TBX20: variants seen among roughly 807,000 people sequenced by gnomAD.
TBX20 encodes the protein T-box transcription factor 20.
TBX20 carries 8 observed loss-of-function variants against 42.9 expected under a neutral mutation model. The observed-to-expected ratio is 0.19, with a 90% confidence interval of 0.11 to 0.34. The LOEUF (loss-of-function observed/expected upper bound fraction) is 0.34, where lower values mean the gene tolerates loss of function less well. TBX20 is among the 10% of genes least tolerant of loss of function. The pLI is 1.00. For missense variants in TBX20, 411 were observed against 566.0 expected (o/e 0.73, Z 2.78); for synonymous variants, 198 against 222.8 (o/e 0.89, Z 0.99).
At chr7:35,243,594 A>G (rs1190895778) in intron 4 of TBX20, among the ~76,000 whole-genome samples, 1 of 152,178 alleles carries the variant, frequency 6.6e-6, no homozygotes, top group Non-Finnish European at 1.5e-5. Context: ...AGTTCAAGAA[A>G]TTTTAATATA....
rs751670081 is a variant in TBX20, at chr7:35,204,463, A to G, written c.1003+7T>C. 1 of 1,605,102 alleles carries G rather than the reference A, an allele frequency of 6.2e-7. No homozygotes were observed. Among genetic ancestry groups the G allele is most frequent in the South Asian group, 1.1e-5 (1 of 90,630 alleles). ...CAGCAATTCCATGGCCTTGGAAACT[A>G]CCTTACCTCGATTTGGGGTTGTCTG... On this transcript the variant is annotated splice_region_variant and intron_variant, in intron 7 of 7. Transcript: ENST00000408931.
intron 4 of TBX20, among the ~76,000 whole-genome samples, chr7:35,244,090 AATT>A (rs1264601633): frequency 6.6e-6 from 1 of 152,248 alleles, no homozygotes; most frequent in Non-Finnish European, 1.5e-5. Context: ...AAATATGTAC[AATT>A]ATTATGTATC....
chr7:35,252,818 T>G (rs1790331193), intron 1 of TBX20, among the ~76,000 whole-genome samples: 1 of 152,208 alleles, frequency 6.6e-6, no homozygotes, highest in Non-Finnish European at 1.5e-5. Context: ...TGTTCTCCCT[T>G]TACTCCTAGC....
At chr7:35,242,113 C>T (rs973957579) in intron 4 of TBX20, among the ~76,000 whole-genome samples, 1 of 152,164 alleles carries the variant, frequency 6.6e-6, no homozygotes, top group Non-Finnish European at 1.5e-5. Context: ...AGTCATGCAA[C>T]TGATGGCTCC....
chr7:35,203,221 G>C lies in TBX20; in HGVS notation c.1004-451C>G, dbSNP rs1789337278. On this transcript the variant is annotated intron_variant, in intron 7 of 7. Transcript: ENST00000408931. The stretch of plus-strand genomic sequence containing the variant: ...GTAAGTTTTCCCACCACAGCATCCA[G>C]AAATTTAGAATAGAGTTGACAATGA... 2.6e-5 allele frequency among the ~76,000 whole-genome samples: 4 copies of C among 152,252 alleles called. No homozygotes were observed. The Middle Eastern group carries it at 0.014, about 518-fold the overall frequency.
At chr7:35,224,351 C>A (rs534387854) in intron 6 of TBX20, among the ~76,000 whole-genome samples, 1 of 152,262 alleles carries the variant, frequency 6.6e-6, no homozygotes, top group East Asian at 1.9e-4. Flanking sequence ...TAGTTTAAAT[C>A]CAGTAATTTA....
rs901546706 is a variant in TBX20 at position 35,231,663 on chromosome 7, C to G, written c.814-83G>C. 4 of 888,322 alleles carry G rather than the reference C, an allele frequency of 4.5e-6. No individual in the cohort carries two copies. The African/African-American group carries it at 6.6e-5, about 15-fold the overall frequency. The allele number at this position is 888,322 out of a possible 1,614,324, so 55.0% of individuals were successfully genotyped here. A position where few individuals can be genotyped will look rare whatever the true frequency, so the allele number is the denominator to read the frequency against. ...GAAATAGTTTGTTCATTCTCCATAG[C>G]ACACCAAGAATATCTTAATGTTTCT... On this transcript the variant is annotated intron_variant, in intron 5 of 7. Transcript: ENST00000408931.
chr7:35,203,396 A>T (rs2128709568), intron 7 of TBX20, among the ~76,000 whole-genome samples: 1 of 151,964 alleles, frequency 6.6e-6, no homozygotes, highest in East Asian at 1.9e-4. Flanking sequence ...TTCAGCCTCT[A>T]CAACCTCCGA....
intron 1 of TBX20, 55 bp downstream of exon 1, chr7:35,253,439 A>T (rs565383718): frequency 1.4e-4 from 226 of 1,575,200 alleles, no homozygotes; most frequent in Non-Finnish European, 1.9e-4. Flanking sequence ...CCAGGGGCAC[A>T]GACGGATGCG....
At chr7:35,235,685 A>G (rs1789951558) in intron 5 of TBX20, among the ~76,000 whole-genome samples, 1 of 152,194 alleles carries the variant, frequency 6.6e-6, no homozygotes, top group Non-Finnish European at 1.5e-5. Context: ...GTGTATTTAA[A>G]TAATATAGAA....
intron 7 of TBX20, among the ~76,000 whole-genome samples, chr7:35,203,053 G>A (rs901015367): frequency 6.6e-6 from 1 of 152,088 alleles, no homozygotes; most frequent in African/African-American, 2.4e-5. Context: ...TACCCTGCCT[G>A]CAGGTAATGA....
chr7:35,226,938 A>G (rs1584348479), intron 6 of TBX20, among the ~76,000 whole-genome samples: 1 of 152,126 alleles, frequency 6.6e-6, no homozygotes, highest in East Asian at 1.9e-4. Flanking sequence ...CATTATCATT[A>G]CAGGAGATGT....
intron 6 of TBX20, among the ~76,000 whole-genome samples, chr7:35,217,467 A>T (rs1347856635): frequency 6.6e-6 from 1 of 152,198 alleles, no homozygotes; most frequent in Non-Finnish European, 1.5e-5. Flanking sequence ...TTAATTGTGA[A>T]TAACTCTACT....
chr7:35,208,742 CAAAAAAAAAAAAAAAAAAAAAAAAAAAAA>C (rs766060288), intron 6 of TBX20, among the ~76,000 whole-genome samples: 2 of 21,130 alleles, frequency 9.5e-5, no homozygotes, highest in South Asian at 5.0e-3. Context: ...AACTCCGTCT[CAAAAAAAAAAAAAAAAAAAAAAAAAAAAA>C]AAAAAAAAAA....
intron 6 of TBX20, among the ~76,000 whole-genome samples, chr7:35,220,439 C>T (rs556197368): frequency 9.9e-5 from 15 of 152,256 alleles, no homozygotes; most frequent in Non-Finnish European, 1.8e-4. Flanking sequence ...CCAGCACTGC[C>T]CCAGCTGGTT....
chr7:35,202,842 A>G, intron 7 of TBX20, 72 bp from the exon 8 acceptor site: 1 of 1,527,678 alleles, frequency 6.5e-7, no homozygotes, highest in Non-Finnish European at 8.9e-7. Context: ...ATTATCTGTA[A>G]AGATCAATTT....
At position 35,220,784 on chromosome 7, in the gene TBX20, T is replaced by C. The variant is rs562618011; in HGVS notation, c.890+10720A>G. 2.0e-5 allele frequency among the ~76,000 whole-genome samples: 3 copies of C among 152,368 alleles called. No individual in the cohort carries two copies. In the East Asian group the frequency reaches 5.8e-4, roughly 29 times the overall value. ...ACAGAGCAGAACAAATGACTTCTTC[T>C]GAAGCAGACTTATTGCAAGAAACAG... On this transcript the variant is annotated intron_variant, in intron 6 of 7. Coordinates refer to ENST00000408931, the MANE Select transcript of TBX20 (RefSeq NM_001077653.2).
chr7:35,214,980 C>T (rs1258067836), intron 6 of TBX20, among the ~76,000 whole-genome samples: 2 of 152,078 alleles, frequency 1.3e-5, no homozygotes, highest in Non-Finnish European at 2.9e-5. Flanking sequence ...AATTCATGCA[C>T]TTAATTTGTT....
intron 4 of TBX20, among the ~76,000 whole-genome samples, chr7:35,242,388 T>G (rs1258934735): frequency 6.6e-6 from 1 of 152,236 alleles, no homozygotes; most frequent in Non-Finnish European, 1.5e-5. Context: ...AATGATAATA[T>G]GATCTGTTTG....
Sources: gnomAD v4.1 joint callset for allele counts (sites outside exome capture counted in the v4.1 genomes callset) on GRCh38, gnomAD v4.1.1 for gene constraint, MANE v1.5 for transcripts, NCBI Gene and HGNC (gene_info 2026-07-23, HGNC 2026-07-21) for gene names.